The following ZBTB20 variants were observed in gnomAD, a reference collection of about 807,000 sequenced individuals.
The protein encoded by ZBTB20 is zinc finger and BTB domain containing 20.
A neutral mutation model predicts 56.9 loss-of-function variants in ZBTB20; 9 were observed. That is an observed-to-expected ratio of 0.16 (90% CI 0.10 to 0.28). The LOEUF (loss-of-function observed/expected upper bound fraction) is 0.28. Among genes scored for constraint, ZBTB20 ranks in the 10% least tolerant of loss-of-function variants. The probability of loss-of-function intolerance (pLI) is 1.00; values close to 1 mark genes in which losing one functional copy is unlikely to be tolerated. For synonymous variants in ZBTB20, 417 were observed against 420.7 expected (o/e 0.99, Z 0.11); for missense variants, 655 against 1,003.0 (o/e 0.65, Z 4.69).
chr3:115,059,634 T>C (rs547601417), intron 2 of ZBTB20, among the ~76,000 whole-genome samples: 1 of 152,318 alleles, frequency 6.6e-6, no homozygotes, highest in East Asian at 1.9e-4. Flanking sequence ...CCAAAGTTCC[T>C]TGTCTGCATA....
At chr3:114,470,644 C>T (rs568083147) in intron 7 of ZBTB20, among the ~76,000 whole-genome samples, 140 of 152,182 alleles carry the variant, frequency 9.2e-4, no homozygotes, top group African/African-American at 3.1e-3. Context: ...AAATTTAATG[C>T]TTTTACCAAG....
chr3:114,972,474 T>A (rs1047242455), intron 3 of ZBTB20, among the ~76,000 whole-genome samples: 1 of 152,192 alleles, frequency 6.6e-6, no homozygotes, highest in African/African-American at 2.4e-5. Flanking sequence ...TTTGTGAAGA[T>A]GGAAAAATAC....
intron 1 of ZBTB20, among the ~76,000 whole-genome samples, chr3:115,117,181 T>A (rs1249381411): frequency 6.6e-6 from 1 of 152,140 alleles, no homozygotes; most frequent in Admixed American, 6.5e-5. Context: ...GTATGGATAA[T>A]CCAAAAATAA....
intron 1 of ZBTB20, among the ~76,000 whole-genome samples, chr3:115,078,445 T>G (rs1046675553): frequency 6.6e-6 from 1 of 152,046 alleles, no homozygotes; most frequent in Non-Finnish European, 1.5e-5. Flanking sequence ...ACTAAAGTTT[T>G]CACATGTTTC....
chr3:114,436,547 A>G (rs1345452360), intron 7 of ZBTB20, among the ~76,000 whole-genome samples: 1 of 152,224 alleles, frequency 6.6e-6, no homozygotes, highest in Non-Finnish European at 1.5e-5. Context: ...AAATTTGTTT[A>G]TAGTACTCTT....
rs2078652422 is a variant in ZBTB20, at chr3:114,315,601, G to GTGTGTC, written c.*23403_*23404insGACACA. 7 of 152,062 alleles carry GTGTGTC rather than the reference G, an allele frequency of 4.6e-5. No homozygotes were observed. Among genetic ancestry groups the GTGTGTC allele is most frequent in the African/African-American group, 1.5e-4 (6 of 40,600 alleles). The allele number at this position is 152,062 out of a possible 1,614,324, so 9.4% of individuals were successfully genotyped here. On this transcript the variant is annotated 3_prime_UTR_variant, in exon 12 of 12. Coordinates refer to ENST00000675478, the MANE Select transcript of ZBTB20 (RefSeq NM_001348800.3). ...TGTGTGTGTGTGTGTGTGTGTGTGT[G>GTGTGTC]TGTGTACACAGTAGCAATTGCAAAA...
chr3:114,942,029 T>G (rs1226040145), intron 3 of ZBTB20, among the ~76,000 whole-genome samples: 4 of 146,268 alleles, frequency 2.7e-5, no homozygotes, highest in Non-Finnish European at 5.9e-5. Context: ...TATCACAAGA[T>G]ATACATAAAT....
intron 3 of ZBTB20, among the ~76,000 whole-genome samples, chr3:114,937,435 T>A (rs13073848): frequency 7.5e-4 from 114 of 152,042 alleles, no homozygotes; most frequent in Middle Eastern, 3.4e-3. Context: ...CTTCTTTTTT[T>A]TTTTTAGATG....
At chr3:114,795,989 C>T (rs1255575731) in intron 5 of ZBTB20, among the ~76,000 whole-genome samples, 1 of 151,930 alleles carries the variant, frequency 6.6e-6, no homozygotes, top group Admixed American at 6.6e-5. Flanking sequence ...ATTCCTGTCT[C>T]AATAAAAGTG....
intron 6 of ZBTB20, among the ~76,000 whole-genome samples, chr3:114,528,439 CA>C (rs1287542662): frequency 2.0e-5 from 3 of 150,576 alleles, no homozygotes; most frequent in Admixed American, 6.6e-5. Context: ...GGATAAAAAA[CA>C]AAAAAAAATT....
intron 4 of ZBTB20, among the ~76,000 whole-genome samples, chr3:114,876,712 C>T (rs2076214150): frequency 6.6e-6 from 1 of 152,064 alleles, no homozygotes; most frequent in Non-Finnish European, 1.5e-5. Flanking sequence ...TAATTTGGGA[C>T]TACAACATAA....
chr3:114,481,607 G>A (rs2041554143), intron 7 of ZBTB20, among the ~76,000 whole-genome samples: 1 of 152,208 alleles, frequency 6.6e-6, no homozygotes, highest in African/African-American at 2.4e-5. Flanking sequence ...ACGACTCTAT[G>A]CGCATCTCCA....
chr3:115,008,262 T>C (rs2079556850), intron 2 of ZBTB20, among the ~76,000 whole-genome samples: 1 of 151,900 alleles, frequency 6.6e-6, no homozygotes. Flanking sequence ...TATTTTTCTG[T>C]TATTCCCGTC....
At chr3:115,006,397 T>C (rs1429780256) in intron 2 of ZBTB20, among the ~76,000 whole-genome samples, 1 of 151,604 alleles carries the variant, frequency 6.6e-6, no homozygotes, top group Non-Finnish European at 1.5e-5. Flanking sequence ...ATGAAGTCTT[T>C]GTTTTCTCCA....
intron 11 of ZBTB20, among the ~76,000 whole-genome samples, chr3:114,349,063 G>C (rs1402186052): frequency 6.6e-6 from 1 of 152,012 alleles, no homozygotes; most frequent in Non-Finnish European, 1.5e-5. Flanking sequence ...AAATGAGCGT[G>C]GTGGCATGTG....
At chr3:114,825,154 T>C (rs1322256093) in intron 4 of ZBTB20, among the ~76,000 whole-genome samples, 3 of 151,920 alleles carry the variant, frequency 2.0e-5, no homozygotes, top group Non-Finnish European at 4.4e-5. Context: ...TATCTAAACA[T>C]TGATTCTTCT....
intron 1 of ZBTB20, among the ~76,000 whole-genome samples, chr3:115,091,676 TTATA>T (rs142068157): frequency 6.7e-6 from 1 of 148,360 alleles, no homozygotes. Flanking sequence ...AATGTGTATT[TTATA>T]TATATATATA....
At position 114,324,719 on chromosome 3, in the gene ZBTB20, T is replaced by C. The variant is rs962155052; in HGVS notation, c.*14286A>G. The C allele has an allele frequency of 9.8e-5, 15 of 152,322 alleles. No individual in the cohort carries two copies. The highest frequency in any genetic ancestry group is 3.4e-4 in the African/African-American group (14 of 41,576). The allele number at this position is 152,322 out of a possible 1,614,324, so 9.4% of individuals were successfully genotyped here. A position where few individuals can be genotyped will look rare whatever the true frequency, so the allele number is the denominator to read the frequency against. Reference sequence around the variant, plus strand: ...ATTCCATAAGAAGAAAAAACATTCATAGTAGGATTTCTTAAGGAGCTTACT... The same window carrying C: ...ATTCCATAAGAAGAAAAAACATTCACAGTAGGATTTCTTAAGGAGCTTACT... On this transcript the variant is annotated 3_prime_UTR_variant, in exon 12 of 12. Transcript: ENST00000675478.
intron 6 of ZBTB20, among the ~76,000 whole-genome samples, chr3:114,691,599 T>C (rs1165583281): frequency 6.6e-6 from 1 of 152,034 alleles, no homozygotes; most frequent in Non-Finnish European, 1.5e-5. Flanking sequence ...GAGCTATTCC[T>C]CTTCAGGAAT....
Sources: allele counts gnomAD v4.1 joint callset (sites outside exome capture counted in the v4.1 genomes callset), GRCh38; gene constraint gnomAD v4.1.1; transcripts MANE v1.5; gene names NCBI Gene and HGNC (gene_info 2026-07-23, HGNC 2026-07-21).